Variants in PPP1R8 observed in about 807,000 individuals in gnomAD.
PPP1R8 encodes protein phosphatase 1 regulatory subunit 8, also known as nuclear inhibitor of protein phosphatase 1.
Under a neutral mutation model 31.3 loss-of-function variants are expected in PPP1R8, and 4 were observed. The ratio of observed to expected loss-of-function variants is 0.13; its 90% CI spans 0.06 to 0.29. The LOEUF is 0.29. PPP1R8 is among the 10% of genes least tolerant of loss of function. PPP1R8 has a pLI of 1.00. For missense variants in PPP1R8, 254 were observed against 440.1 expected (o/e 0.58, Z 3.78); for synonymous variants, 170 against 169.7 (o/e 1.00, Z -0.01).
chr1:27,844,699 A>AT (rs2089255599), intron 5 of PPP1R8, among the ~76,000 whole-genome samples: 16 of 117,820 alleles, frequency 1.4e-4, no homozygotes, highest in South Asian at 2.5e-4. Context: ...GACTAGACAA[A>AT]TTTCTTTTTT....
chr1:27,831,279 C>A (rs2089102923), intron 1 of PPP1R8: 5 of 1,007,040 alleles, frequency 5.0e-6, no homozygotes, highest in Middle Eastern at 5.0e-4. Flanking sequence ...CCAGCCCCGG[C>A]CCCAACCCTA....
At chr1:27,846,141 A>T (rs1338380528) in intron 5 of PPP1R8, among the ~76,000 whole-genome samples, 1 of 152,096 alleles carries the variant, frequency 6.6e-6, no homozygotes, top group African/African-American at 2.4e-5. Context: ...AGATGACAAC[A>T]TCTATTAGGG....
At position 27,850,969 on chromosome 1, in the gene PPP1R8, T is replaced by C. The variant is rs1489025801; in HGVS notation, c.*523T>C. The C allele has an allele frequency of 6.5e-6, 1 of 154,066 alleles. No individual in the cohort carries two copies. The highest frequency in any genetic ancestry group is 1.4e-5 in the Non-Finnish European group (1 of 69,270). The allele number at this position is 154,066 out of a possible 1,614,324, so 9.5% of individuals were successfully genotyped here. ...ACTAAAAAATGTTTCCTTGGGTCAG[T>C]GGTTTTGAGGTCCAGTAGCTAGGCT... On this transcript the variant is annotated 3_prime_UTR_variant, in exon 7 of 7. Transcript: ENST00000311772.
At chr1:27,832,732 C>G in intron 1 of PPP1R8, 24 bp from the exon 2 acceptor site, 1 of 1,596,980 alleles carries the variant, frequency 6.3e-7, no homozygotes. Flanking sequence ...CCTGAAAATG[C>G]TTTTTTCTAT....
At chr1:27,835,380 G>GA (rs1334545900) in intron 2 of PPP1R8, among the ~76,000 whole-genome samples, 2 of 152,148 alleles carry the variant, frequency 1.3e-5, no homozygotes, top group Non-Finnish European at 2.9e-5. Context: ...TCTTAATCCT[G>GA]AAATAATGTC....
chr1:27,838,348 C>T (rs1457903916), intron 2 of PPP1R8, among the ~76,000 whole-genome samples: 1 of 152,134 alleles, frequency 6.6e-6, no homozygotes, highest in Non-Finnish European at 1.5e-5. Flanking sequence ...CAACTGTACT[C>T]CAGCCTGGGC....
intron 2 of PPP1R8, among the ~76,000 whole-genome samples, chr1:27,835,769 C>G (rs1478913563): frequency 6.6e-6 from 1 of 152,230 alleles, no homozygotes; most frequent in Non-Finnish European, 1.5e-5. Context: ...CCAGACAAAT[C>G]TGAATTTCTA....
chr1:27,831,838 A>G (rs1188208637), intron 1 of PPP1R8, among the ~76,000 whole-genome samples: 3 of 152,216 alleles, frequency 2.0e-5, no homozygotes, highest in Admixed American at 2.0e-4. Flanking sequence ...AGTTAGCTAG[A>G]CAAGGATACG....
chr1:27,848,906 T>C (rs1406023034), intron 6 of PPP1R8, among the ~76,000 whole-genome samples: 1 of 152,246 alleles, frequency 6.6e-6, no homozygotes, highest in Admixed American at 6.5e-5. Context: ...CATTTACGTA[T>C]ATAGTTTTGG....
chr1:27,833,652 A>G (rs534906392), intron 2 of PPP1R8, among the ~76,000 whole-genome samples: 5 of 152,302 alleles, frequency 3.3e-5, no homozygotes, highest in African/African-American at 1.2e-4. Context: ...ATATTAGACC[A>G]ATTTTATATT....
At chr1:27,838,244 G>T (rs1048114923) in intron 2 of PPP1R8, among the ~76,000 whole-genome samples, 1 of 151,614 alleles carries the variant, frequency 6.6e-6, no homozygotes, top group Non-Finnish European at 1.5e-5. Context: ...GCTGAACGTG[G>T]TGGTGCACGC....
Position 27,851,438 on chromosome 1 carries a change from G to C in PPP1R8, c.*992G>C. On this transcript the variant is annotated 3_prime_UTR_variant, in exon 7 of 7. Coordinates refer to ENST00000311772, the MANE Select transcript of PPP1R8 (RefSeq NM_014110.5). ...TGATACAAGCTTTGTACAGAGATTTGTACATTTGTGTAATAGGCCTTTTCA... is the reference window on the plus strand; with the variant it reads ...TGATACAAGCTTTGTACAGAGATTTCTACATTTGTGTAATAGGCCTTTTCA... The C allele has an allele frequency of 2.4e-6, 1 of 422,228 alleles. No individual in the cohort carries two copies. Among genetic ancestry groups the C allele is most frequent in the Admixed American group, 2.5e-5 (1 of 39,382 alleles). 26.2% of individuals were successfully genotyped at this position (422,228 alleles called of 1,614,324 possible).
At position 27,849,162 on chromosome 1, in the gene PPP1R8, C is replaced by T. The variant is rs528962645; in HGVS notation, c.703-931C>T. Among the ~76,000 whole-genome samples the T allele has an allele frequency of 7.0e-4, 107 of 152,136 alleles. 3 individuals carry two copies. The South Asian group carries it at 0.022, about 31-fold the overall frequency. On this transcript the variant is annotated intron_variant, in intron 6 of 6. Coordinates refer to ENST00000311772, the MANE Select transcript of PPP1R8 (RefSeq NM_014110.5). ...CGAGGCGGGCTGATCACCTGAGGTC[C>T]GGAGTTCAAGACCAGCCTGACCAAC...
chr1:27,842,629 G>C (rs530580415), intron 4 of PPP1R8, among the ~76,000 whole-genome samples: 1 of 152,168 alleles, frequency 6.6e-6, no homozygotes, highest in Non-Finnish European at 1.5e-5. Context: ...TAATTATTGA[G>C]ATAGTTATGA....
intron 4 of PPP1R8, among the ~76,000 whole-genome samples, 158 bp from the exon 5 acceptor site, chr1:27,843,028 G>A (rs533087383): frequency 5.3e-5 from 8 of 152,230 alleles, no homozygotes; most frequent in South Asian, 4.2e-4. Flanking sequence ...TCGTAGTCTC[G>A]GGACAGTATG....
At chr1:27,830,943 G>C (rs1450433851) in intron 1 of PPP1R8, 52 bp downstream of exon 1, 2 of 1,489,820 alleles carry the variant, frequency 1.3e-6, no homozygotes, top group Non-Finnish European at 1.8e-6. Context: ...GCTAGCCTGG[G>C]CTGGAAGGGC....
chr1:27,844,611 GCTA>G (rs1180292283), intron 5 of PPP1R8, among the ~76,000 whole-genome samples: 1 of 151,672 alleles, frequency 6.6e-6, no homozygotes, highest in Non-Finnish European at 1.5e-5. Flanking sequence ...ACAGGCGTGA[GCTA>G]CCGCGCCCAG....
At chr1:27,830,977 G>A in intron 1 of PPP1R8, 86 bp downstream of exon 1, 1 of 1,456,996 alleles carries the variant, frequency 6.9e-7, no homozygotes. Flanking sequence ...CTTTTCTGCT[G>A]CGAGCCGAAC....
At chr1:27,838,620 A>G (rs1157209088) in intron 2 of PPP1R8, 79 bp from the exon 3 acceptor site, 1 of 963,970 alleles carries the variant, frequency 1.0e-6, no homozygotes. Context: ...TATCTACTCA[A>G]GATTCTCTAT....
Sources: allele counts gnomAD v4.1 joint callset (sites outside exome capture counted in the v4.1 genomes callset), GRCh38; gene constraint gnomAD v4.1.1; transcripts MANE v1.5; gene names NCBI Gene and HGNC (gene_info 2026-07-23, HGNC 2026-07-21).